Variants in FTO observed in about 807,000 individuals in gnomAD.
FTO encodes the protein alpha-ketoglutarate-dependent dioxygenase FTO.
FTO carries 47 observed loss-of-function variants against 63.9 expected under a neutral mutation model. That is an observed-to-expected ratio of 0.74 (90% confidence interval 0.58 to 0.94). FTO has a LOEUF of 0.94. FTO is among the 40% of genes least tolerant of loss of function. The pLI, the probability that FTO is intolerant of heterozygous loss-of-function variation, is 0.00. For missense variants in FTO, 562 were observed against 618.1 expected (o/e 0.91, Z 0.96); for synonymous variants, 207 against 224.4 (o/e 0.92, Z 0.69).
intron 1 of FTO, among the ~76,000 whole-genome samples, chr16:53,753,666 G>A (rs1485552172): frequency 6.6e-6 from 1 of 152,136 alleles, no homozygotes; most frequent in Non-Finnish European, 1.5e-5. Flanking sequence ...CTTGAGACAT[G>A]AGCTGTTGGT....
At chr16:53,725,074 T>A (rs1021695071) in intron 1 of FTO, among the ~76,000 whole-genome samples, 1 of 152,216 alleles carries the variant, frequency 6.6e-6, no homozygotes, top group South Asian at 2.1e-4. Context: ...TGTATTATCC[T>A]TTAGGAATAT....
At chr16:53,989,953 TTTC>T (rs2083766365) in intron 8 of FTO, among the ~76,000 whole-genome samples, 1 of 152,310 alleles carries the variant, frequency 6.6e-6, no homozygotes, top group East Asian at 1.9e-4. Flanking sequence ...TCTTCGTGAT[TTTC>T]TTAACATTTT....
At chr16:53,743,547 A>T (rs2076576713) in intron 1 of FTO, among the ~76,000 whole-genome samples, 2 of 148,600 alleles carry the variant, frequency 1.3e-5, no homozygotes, top group Non-Finnish European at 3.0e-5. Context: ...AAAGTGGGAA[A>T]GTGGGGTAAA....
chr16:54,025,113 G>A (rs1323437414), intron 8 of FTO, among the ~76,000 whole-genome samples: 3 of 152,206 alleles, frequency 2.0e-5, no homozygotes, highest in African/African-American at 7.2e-5. Flanking sequence ...AAGTCTGAAG[G>A]AGTTTAGTCT....
intron 1 of FTO, among the ~76,000 whole-genome samples, chr16:53,808,130 A>G (rs2078419382): frequency 6.6e-6 from 1 of 152,006 alleles, no homozygotes; most frequent in African/African-American, 2.4e-5. Context: ...GGGGTTTGAG[A>G]CCAGCCTGGG....
intron 4 of FTO, among the ~76,000 whole-genome samples, chr16:53,862,938 G>A (rs2151857778): frequency 6.6e-6 from 1 of 152,188 alleles, no homozygotes; most frequent in South Asian, 2.1e-4. Flanking sequence ...CTCATTTCTT[G>A]TATTTTCCCT....
chr16:53,828,937 C>T (rs1183494543), intron 3 of FTO, among the ~76,000 whole-genome samples: 1 of 152,184 alleles, frequency 6.6e-6, no homozygotes, highest in African/African-American at 2.4e-5. Flanking sequence ...ATCTCCCAGG[C>T]CGGAGTGCAG....
At position 54,120,716 on chromosome 16, in the gene FTO, C is replaced by G. The variant is rs1344955476; in HGVS notation, c.*8801C>G. 1.3e-5 allele frequency: 2 copies of G among 152,086 alleles called. No individual in the cohort carries two copies. The highest frequency in any genetic ancestry group is 3.9e-4 in the East Asian group (2 of 5,176). The allele number at this position is 152,086 out of a possible 1,614,324, so 9.4% of individuals were successfully genotyped here. A position where few individuals can be genotyped will look rare whatever the true frequency, so the allele number is the denominator to read the frequency against. ...CCCTCCCAAGTTCACCTTCAACATC[C>G]TAAAGCAGGTTGAAGAGGAAGATGG... On this transcript the variant is annotated 3_prime_UTR_variant, in exon 9 of 9. Coordinates refer to ENST00000471389, the MANE Select transcript of FTO (RefSeq NM_001080432.3).
chr16:53,846,774 C>G (rs2079632944), intron 4 of FTO, among the ~76,000 whole-genome samples: 1 of 143,700 alleles, frequency 7.0e-6, no homozygotes, highest in Non-Finnish European at 1.5e-5. Context: ...TGCACTCCGG[C>G]TTGAGCAACA....
At chr16:53,838,560 C>T (rs1199609193) in intron 3 of FTO, among the ~76,000 whole-genome samples, 1 of 152,206 alleles carries the variant, frequency 6.6e-6, no homozygotes, top group Non-Finnish European at 1.5e-5. Flanking sequence ...GTCTGCCTGC[C>T]TCAGCCTCCC....
At chr16:53,720,916 A>G (rs1380499635) in intron 1 of FTO, among the ~76,000 whole-genome samples, 1 of 151,916 alleles carries the variant, frequency 6.6e-6, no homozygotes, top group African/African-American at 2.4e-5. Context: ...CAGGCTCCTC[A>G]GTAGCTGAGA....
At chr16:53,882,870 C>T (rs1418782692) in intron 6 of FTO, among the ~76,000 whole-genome samples, 2 of 152,158 alleles carry the variant, frequency 1.3e-5, no homozygotes, top group African/African-American at 4.8e-5. Flanking sequence ...TCATAATCTC[C>T]AGAACCACAG....
intron 8 of FTO, among the ~76,000 whole-genome samples, chr16:54,018,027 C>T (rs1008539727): frequency 3.3e-5 from 5 of 151,938 alleles, no homozygotes; most frequent in Non-Finnish European, 5.9e-5. Flanking sequence ...GGCTCTGACA[C>T]GTACACACAT....
At chr16:53,743,918 A>G (rs1218853803) in intron 1 of FTO, among the ~76,000 whole-genome samples, 1 of 152,046 alleles carries the variant, frequency 6.6e-6, no homozygotes, top group Admixed American at 6.6e-5. Context: ...TTAATTCATT[A>G]TAGTTGTGGG....
chr16:53,801,503 T>C (rs1385794790), intron 1 of FTO, among the ~76,000 whole-genome samples: 3 of 152,170 alleles, frequency 2.0e-5, no homozygotes, highest in African/African-American at 4.8e-5. Flanking sequence ...ATTTCCCATA[T>C]AGTTACCATT....
At chr16:53,860,881 A>AACACACACACACACACACAC (rs35826323) in intron 4 of FTO, among the ~76,000 whole-genome samples, 1 of 145,726 alleles carries the variant, frequency 6.9e-6, no homozygotes. Flanking sequence ...AAATGTTTTT[A>AACACACACACACACACACAC]ACACACACAC....
Position 53,911,437 on chromosome 16 carries a change from A to G in FTO, c.1239+22486A>G, listed in dbSNP as rs762828848. 9 of 703,008 alleles carry G rather than the reference A, an allele frequency of 1.3e-5. No individual in the cohort carries two copies. In the African/African-American group the frequency reaches 1.4e-4, roughly 11 times the overall value. The allele number at this position is 703,008 out of a possible 1,614,324, so 43.5% of individuals were successfully genotyped here. A position where few individuals can be genotyped will look rare whatever the true frequency, so the allele number is the denominator to read the frequency against. On this transcript the variant is annotated intron_variant, in intron 7 of 8. Transcript: ENST00000471389. ...TGTCGAACCCTGCAGGGAAGTTAAGAAGTGGCCATACCGTTGCATTCATCA... is the reference window on the plus strand; with the variant it reads ...TGTCGAACCCTGCAGGGAAGTTAAGGAGTGGCCATACCGTTGCATTCATCA...
At chr16:53,803,546 C>CA (rs2078280036) in intron 1 of FTO, among the ~76,000 whole-genome samples, 1 of 152,058 alleles carries the variant, frequency 6.6e-6, no homozygotes, top group South Asian at 2.1e-4. Flanking sequence ...TAATTAAAAA[C>CA]TTTTAAAAAA....
intron 8 of FTO, among the ~76,000 whole-genome samples, chr16:54,004,703 C>T (rs1165577627): frequency 6.6e-6 from 1 of 152,096 alleles, no homozygotes; most frequent in Non-Finnish European, 1.5e-5. Flanking sequence ...GGCCAAAGGG[C>T]CTCTTTCTTG....
Sources: allele counts gnomAD v4.1 joint callset (sites outside exome capture counted in the v4.1 genomes callset), GRCh38; gene constraint gnomAD v4.1.1; transcripts MANE v1.5; gene names NCBI Gene and HGNC (gene_info 2026-07-23, HGNC 2026-07-21).